DLGAP4: variants seen among roughly 807,000 people sequenced by gnomAD.
DLGAP4 encodes the protein disks large-associated protein 4.
A neutral mutation model predicts 86.9 loss-of-function variants in DLGAP4; 18 were observed. The observed-to-expected ratio is 0.21, with a 90% CI of 0.14 to 0.31. DLGAP4 has a LOEUF of 0.31. Ranked by LOEUF, DLGAP4 falls within the 10% of genes least tolerant of loss-of-function variation. DLGAP4 has a pLI of 1.00. For synonymous variants in DLGAP4, 548 were observed against 574.3 expected, an observed-to-expected ratio of 0.95 and a Z score of 0.65; for missense variants, 1,085 against 1,362.6, an observed-to-expected ratio of 0.80 and a Z score of 3.21.
intron 2 of DLGAP4, among the ~76,000 whole-genome samples, chr20:36,423,329 A>C (rs1569494329): frequency 6.6e-6 from 1 of 151,636 alleles, no homozygotes; most frequent in Non-Finnish European, 1.5e-5. Flanking sequence ...GGTGGCAGGC[A>C]ACTGTAATCC....
rs184490552 is a variant in DLGAP4, at chr20:36,487,934, G to C, written c.1649-8771G>C. On this transcript the variant is annotated intron_variant, in intron 7 of 12. Coordinates refer to ENST00000339266, the MANE Select transcript of DLGAP4 (RefSeq NM_001365621.2). ...GGCAGTTAGTGCGCCGGGCGTGGTG[G>C]CTCATGCCTGTAATCCCAGCACTTT... 4.3e-3 allele frequency among the ~76,000 whole-genome samples: 653 copies of C among 152,310 alleles called. 7 individuals are homozygous for C. The highest frequency in any genetic ancestry group is 0.024 in the Middle Eastern group (7 of 294).
At chr20:36,345,395 G>T (rs1272929777) in intron 1 of DLGAP4, among the ~76,000 whole-genome samples, 2 of 152,192 alleles carry the variant, frequency 1.3e-5, no homozygotes, top group Non-Finnish European at 2.9e-5. Flanking sequence ...ATATCCCAGG[G>T]TCTGGTACAC....
At chr20:36,505,244 C>T (rs1435728391) in intron 10 of DLGAP4, among the ~76,000 whole-genome samples, 2 of 152,084 alleles carry the variant, frequency 1.3e-5, no homozygotes, top group Admixed American at 6.6e-5. Flanking sequence ...GCCTTGGCCT[C>T]CCAAAGTGCT....
intron 1 of DLGAP4, among the ~76,000 whole-genome samples, chr20:36,354,612 A>G (rs1167726895): frequency 6.6e-6 from 1 of 152,086 alleles, no homozygotes; most frequent in Non-Finnish European, 1.5e-5. Flanking sequence ...CCCTCACTGC[A>G]TCTCCACTAG....
rs138051196 is a variant in DLGAP4, at chr20:36,342,532, G to A, written c.-303-24513G>A. 7.4e-3 allele frequency among the ~76,000 whole-genome samples: 1,130 copies of A among 152,300 alleles called. 20 individuals are homozygous for A. The highest frequency in any genetic ancestry group is 0.025 in the African/African-American group (1,047 of 41,568). ...TACCAATGCTGATGAATGCCTGGGC[G>A]CCAGCAGCCACCCCGCTCAGTGGAA... is the stretch of plus-strand genomic sequence containing the variant. On this transcript the variant is annotated intron_variant, in intron 1 of 12. Transcript: ENST00000339266.
At chr20:36,519,302 A>G (rs1179804180) in intron 10 of DLGAP4, among the ~76,000 whole-genome samples, 1 of 152,154 alleles carries the variant, frequency 6.6e-6, no homozygotes, top group Non-Finnish European at 1.5e-5. Context: ...CATGATCTGT[A>G]TGATACCCAG....
chr20:36,482,006 C>T (rs2035208394), intron 7 of DLGAP4, among the ~76,000 whole-genome samples: 1 of 152,164 alleles, frequency 6.6e-6, no homozygotes, highest in Non-Finnish European at 1.5e-5. Context: ...CTCTGTTTTT[C>T]TGTGTCTCTG....
intron 10 of DLGAP4, chr20:36,508,416 A>AG (rs1406865516): frequency 7.1e-6 from 1 of 140,696 alleles, no homozygotes; most frequent in Non-Finnish European, 1.5e-5. Context: ...CTGATGTTTC[A>AG]GGGTTCTTTT....
chr20:36,436,514 C>T (rs1264507204), intron 4 of DLGAP4, among the ~76,000 whole-genome samples, 164 bp downstream of exon 4: 1 of 151,974 alleles, frequency 6.6e-6, no homozygotes, highest in Non-Finnish European at 1.5e-5. Context: ...CTTGAGAGAA[C>T]CCCTTCATTG....
intron 8 of DLGAP4, 197 bp from the exon 9 acceptor site, chr20:36,499,391 C>T (rs1233257762): frequency 5.3e-6 from 8 of 1,518,592 alleles, no homozygotes; most frequent in East Asian, 2.4e-5. Flanking sequence ...GCCTGCCCGC[C>T]TCCACGCGAA....
chr20:36,459,068 G>A (rs1004240510), intron 7 of DLGAP4, among the ~76,000 whole-genome samples: 1 of 152,234 alleles, frequency 6.6e-6, no homozygotes, highest in African/African-American at 2.4e-5. Context: ...TCACCCCCCG[G>A]ATGGGGAGCC....
chr20:36,516,541 C>T (rs2037046685), intron 10 of DLGAP4, among the ~76,000 whole-genome samples: 1 of 151,822 alleles, frequency 6.6e-6, no homozygotes, highest in Non-Finnish European at 1.5e-5. Context: ...TGGCGTGCAC[C>T]TGTAATCCCA....
intron 1 of DLGAP4, among the ~76,000 whole-genome samples, chr20:36,319,953 C>A (rs1295854275): frequency 6.6e-6 from 1 of 151,754 alleles, no homozygotes; most frequent in African/African-American, 2.4e-5. Flanking sequence ...CCCCCTCCCC[C>A]GGGCCTCCCT....
chr20:36,385,444 T>C (rs1234017627), intron 2 of DLGAP4, among the ~76,000 whole-genome samples: 2 of 152,054 alleles, frequency 1.3e-5, no homozygotes, highest in Non-Finnish European at 2.9e-5. Flanking sequence ...AGGGAAAGAC[T>C]GCCCCCTACA....
chr20:36,440,667 C>A (rs533066024), intron 5 of DLGAP4, among the ~76,000 whole-genome samples: 2 of 152,218 alleles, frequency 1.3e-5, no homozygotes, highest in East Asian at 3.9e-4. Context: ...GGCTGTCCAG[C>A]CCAGACCTGG....
intron 7 of DLGAP4, among the ~76,000 whole-genome samples, chr20:36,472,288 G>GC (rs1449021488): frequency 6.6e-6 from 1 of 152,104 alleles, no homozygotes; most frequent in African/African-American, 2.4e-5. Context: ...GATCACTTGA[G>GC]CTCAGGAGTT....
intron 1 of DLGAP4, among the ~76,000 whole-genome samples, chr20:36,310,851 C>T (rs2065047344): frequency 6.6e-6 from 1 of 152,138 alleles, no homozygotes; most frequent in Non-Finnish European, 1.5e-5. Context: ...ACTCACTGGG[C>T]ATCTTTGAGA....
chr20:36,526,656 C>T (rs568597463), intron 12 of DLGAP4, among the ~76,000 whole-genome samples, 157 bp from the exon 13 acceptor site: 2 of 152,266 alleles, frequency 1.3e-5, no homozygotes, highest in East Asian at 3.9e-4. Flanking sequence ...TCAGTCATCG[C>T]TTCTCGTGGC....
chr20:36,427,233 CTT>C (rs1396263550), intron 2 of DLGAP4, among the ~76,000 whole-genome samples: 1 of 151,880 alleles, frequency 6.6e-6, no homozygotes, highest in East Asian at 1.9e-4. Flanking sequence ...AATCTCAACA[CTT>C]TGGGAGGCCG....
Sources: allele counts gnomAD v4.1 joint callset (sites outside exome capture counted in the v4.1 genomes callset), GRCh38; gene constraint gnomAD v4.1.1; transcripts MANE v1.5; gene names NCBI Gene and HGNC (gene_info 2026-07-23, HGNC 2026-07-21).